USP24: variants seen among roughly 807,000 people sequenced by gnomAD.
USP24 encodes the protein ubiquitin specific peptidase 24.
USP24 carries 97 observed loss-of-function variants against 361.6 expected under a neutral mutation model. The observed-to-expected ratio is 0.27, with a 90% CI of 0.23 to 0.32. The LOEUF is 0.32. Ranked by LOEUF, USP24 falls within the 10% of genes least tolerant of loss-of-function variation. The probability of loss-of-function intolerance (pLI) is 1.00; values close to 1 mark genes in which losing one functional copy is unlikely to be tolerated. For synonymous variants in USP24, 1,098 were observed against 1,124.6 expected (o/e 0.98, Z 0.47); for missense variants, 2,353 against 3,165.6 (o/e 0.74, Z 6.16).
chr1:55,123,516 C>G lies in USP24; in HGVS notation c.4207G>C (p.Asp1403His). 6.2e-7 allele frequency: 1 copy of G among 1,604,374 alleles called. No individual in the cohort carries two copies. The highest frequency in any genetic ancestry group is 8.5e-7 in the Non-Finnish European group (1 of 1,175,506). The change falls in exon 36 of 68, where the codon GAC becomes CAC. Residue 1403 changes from aspartate to histidine, a missense_variant. By Grantham distance (81) the Asp-to-His change is moderately conservative. Transcript: ENST00000294383. ...CVRQQSVSTKDSLIAGEALSL... is the reference protein window; with the variant it reads ...CVRQQSVSTKHSLIAGEALSL... ...AAAGCCTCTCCCGCAATCAGCGAGT[C>G]TTTGGTGGATACAGACTGTTGTCGA...
In USP24 at chr1:55,142,759, A is replaced by C. The variant is rs1646925079; in HGVS notation, c.2617T>G (p.Cys873Gly). The C allele has an allele frequency of 6.4e-7, 1 of 1,553,384 alleles. No homozygotes were observed. The highest frequency in any genetic ancestry group is 8.7e-7 in the Non-Finnish European group (1 of 1,146,668). ...CTACTCACTTCTAATCTTGTGTAGC[A>C]ATCAGCAATGAATTTCTTATGTAAA... ...VSLHKKFIAD[C>G]YTRLEAASSA... Residue 873 changes from cysteine to glycine, a missense_variant, in exon 23 of 68, where the codon TGC (cysteine) becomes GGC (glycine). Transcript: ENST00000294383.
chr1:55,107,136 C>CA, intron 40 of USP24, 103 bp downstream of exon 40: 1 of 1,381,098 alleles, frequency 7.2e-7, no homozygotes, highest in Admixed American at 2.5e-5. Flanking sequence ...GTCAATTTTC[C>CA]ATGGAACACT....
At chr1:55,105,616 T>C (rs1645749421) in intron 41 of USP24, among the ~76,000 whole-genome samples, 2 of 152,170 alleles carry the variant, frequency 1.3e-5, no homozygotes, top group Admixed American at 1.3e-4. Context: ...TCCAAGAGTA[T>C]AAATACCACT....
intron 67 of USP24, chr1:55,071,213 C>A (rs1207201351): frequency 5.1e-6 from 5 of 986,902 alleles, no homozygotes; most frequent in Non-Finnish European, 6.0e-6. Flanking sequence ...GAGGAGACTG[C>A]TGTTAAGGAA....
Position 55,214,963 on chromosome 1 carries a change from C to A in USP24, c.151G>T (p.Gly51Cys). 7.0e-7 allele frequency: 1 copy of A among 1,429,094 alleles called. No homozygotes were observed. The highest frequency in any genetic ancestry group is 1.4e-5 in the South Asian group (1 of 73,836). The allele number at this position is 1,429,094 out of a possible 1,614,324, so 88.5% of individuals were successfully genotyped here. A position where few individuals can be genotyped will look rare whatever the true frequency, so the allele number is the denominator to read the frequency against. ...CCGCTGTCCATGGGCTCGTAGCCGC[C>A]GTAGTCGAGGCCCGGCCGCTCGTTG... ...LTNERPGLDY[G>C]GYEPMDSGGG... The change falls in exon 1 of 68, where the codon GGC (glycine) becomes TGC (cysteine). Residue 51 changes from glycine to cysteine, a missense_variant. Transcript: ENST00000294383.
intron 34 of USP24, among the ~76,000 whole-genome samples, 174 bp from the exon 35 acceptor site, chr1:55,124,802 T>C (rs1185125189): frequency 1.3e-5 from 2 of 152,222 alleles, no homozygotes; most frequent in African/African-American, 2.4e-5. Flanking sequence ...CTCTCTTTTT[T>C]ATCTGTAAAA....
At chr1:55,099,983 A>T (rs974090277) in intron 44 of USP24, 114 bp from the exon 45 acceptor site, 11 of 714,514 alleles carry the variant, frequency 1.5e-5, no homozygotes, top group Non-Finnish European at 2.5e-5. Context: ...CACTATTAGG[A>T]TGTGGACATT....
chr1:55,187,056 T>C (rs1301570916), intron 1 of USP24, among the ~76,000 whole-genome samples: 1 of 152,060 alleles, frequency 6.6e-6, no homozygotes, highest in Non-Finnish European at 1.5e-5. Flanking sequence ...ATTAAAAAGA[T>C]CCTAAACCAT....
At chr1:55,099,935 A>G (rs1212761019) in intron 44 of USP24, 66 bp from the exon 45 acceptor site, 3 of 1,184,870 alleles carry the variant, frequency 2.5e-6, no homozygotes, top group Non-Finnish European at 3.6e-6. Context: ...TAGAAAGGGA[A>G]CATGAAAGAG....
At chr1:55,137,206 G>A (rs891587931) in intron 28 of USP24, among the ~76,000 whole-genome samples, 1 of 152,190 alleles carries the variant, frequency 6.6e-6, no homozygotes, top group African/African-American at 2.4e-5. Flanking sequence ...GGACTAAGAG[G>A]TGGAGGTGAC....
intron 61 of USP24, 131 bp from the exon 62 acceptor site, chr1:55,077,431 G>C (rs1448321390): frequency 1.6e-6 from 1 of 611,142 alleles, no homozygotes; most frequent in Non-Finnish European, 2.5e-6. Context: ...TGCTTTCTAG[G>C]CCTTAGTTTC....
chr1:55,172,444 A>G lies in USP24; in HGVS notation c.635T>C (p.Ile212Thr). The G allele has an allele frequency of 6.2e-7, 1 of 1,613,666 alleles. No individual in the cohort carries two copies. ...TTTTATTCTCTCTGCGACCAGTTCTATTAATAGCATCAACATGTTGTAAAT... is the reference window on the plus strand; with the variant it reads ...TTTTATTCTCTCTGCGACCAGTTCTGTTAATAGCATCAACATGTTGTAAAT... Reference protein sequence around the residue: ...EGIYNMLMLLIELVAERIKQD... With the variant: ...EGIYNMLMLLTELVAERIKQD... Residue 212 changes from isoleucine to threonine, a missense_variant, in exon 4 of 68, where the codon ATA (isoleucine) becomes ACA (threonine). Physicochemically the swap from Ile to Thr is moderately conservative, Grantham distance 89 (BLOSUM62 -1). This residue lies in a region of USP24 where 386 missense variants were observed against 560.5 expected (regional missense o/e 0.69). Coordinates refer to ENST00000294383, the MANE Select transcript of USP24 (RefSeq NM_015306.3).
chr1:55,107,155 A>G (rs1645798208), intron 40 of USP24, 84 bp downstream of exon 40: 3 of 1,457,818 alleles, frequency 2.1e-6, no homozygotes, highest in South Asian at 2.9e-5. Flanking sequence ...CTTGGCATCT[A>G]TCTTATTTTC....
At chr1:55,090,620 TAAG>T (rs1168444884) in intron 54 of USP24, among the ~76,000 whole-genome samples, 2 of 152,146 alleles carry the variant, frequency 1.3e-5, no homozygotes, top group Non-Finnish European at 2.9e-5. Context: ...ACTGGGAACT[TAAG>T]TAGTCTTTTA....
chr1:55,110,205 T>C lies in USP24; in HGVS notation c.4550A>G (p.Gln1517Arg), dbSNP rs373872296. 1.4e-5 allele frequency: 22 copies of C among 1,553,642 alleles called. No individual in the cohort carries two copies. Among genetic ancestry groups the C allele is most frequent in the Non-Finnish European group, 1.7e-5 (19 of 1,147,970 alleles). Residue 1517 changes from glutamine (Q) to arginine (R), a missense_variant, in exon 39 of 68, where the codon CAG becomes CGG. By Grantham distance (43) the Gln-to-Arg change is conservative. This residue lies in a region of USP24 where 949 missense variants were observed against 1,280.5 expected (regional missense o/e 0.74). Coordinates refer to ENST00000294383, the MANE Select transcript of USP24 (RefSeq NM_015306.3). ...QCMEYFDLRC[Q>R]LLDDLTTSEM... ...CTTACTTGTCAGATCATCTAATAAC[T>C]GGCATCTCAAATCAAAATACTCCAT...
chr1:55,161,373 A>G (rs1427658148), intron 8 of USP24, among the ~76,000 whole-genome samples: 3 of 143,374 alleles, frequency 2.1e-5, no homozygotes, highest in South Asian at 2.2e-4. Flanking sequence ...CTCTGTCTGG[A>G]AAAAAAAAAA....
intron 25 of USP24, 111 bp from the exon 26 acceptor site, chr1:55,138,829 G>T: frequency 2.3e-6 from 3 of 1,314,648 alleles, no homozygotes; most frequent in South Asian, 2.6e-5. Context: ...GAAAAGAGAG[G>T]CTAACTGGGT....
chr1:55,184,264 C>T (rs1020870220), intron 1 of USP24, among the ~76,000 whole-genome samples: 1 of 152,000 alleles, frequency 6.6e-6, no homozygotes, highest in South Asian at 2.1e-4. Flanking sequence ...GCCATGTTGC[C>T]GAGGCTGGTC....
chr1:55,137,289 G>A (rs1453029967), intron 28 of USP24, among the ~76,000 whole-genome samples: 3 of 152,196 alleles, frequency 2.0e-5, no homozygotes, highest in African/African-American at 4.8e-5. Flanking sequence ...AGCTGGAAAC[G>A]AGTTCAGACA....
Sources: gnomAD v4.1 joint callset for allele counts (sites outside exome capture counted in the v4.1 genomes callset) on GRCh38, gnomAD v4.1.1 for gene constraint, gnomAD v4.1.1 regional missense constraint, MANE v1.5 for transcripts, NCBI Gene and HGNC (gene_info 2026-07-23, HGNC 2026-07-21) for gene names.